PLCB1: variants seen among roughly 807,000 people sequenced by gnomAD.
The protein encoded by PLCB1 is phospholipase C beta 1, also known as 1-phosphatidylinositol 4,5-bisphosphate phosphodiesterase beta-1.
In PLCB1, 46 loss-of-function variants were observed where a neutral mutation model predicts 161.8. The observed-to-expected ratio is 0.28, with a 90% confidence interval of 0.22 to 0.36. The LOEUF is 0.36. Ranked by LOEUF, PLCB1 falls within the 10% of genes least tolerant of loss-of-function variation. PLCB1 has a pLI of 1.00. For synonymous variants in PLCB1, 517 were observed against 503.7 expected (o/e 1.03, Z -0.35); for missense variants, 1,016 against 1,472.5 (o/e 0.69, Z 5.07).
intron 3 of PLCB1, among the ~76,000 whole-genome samples, chr20:8,486,669 G>C (rs866141270): frequency 1.7e-4 from 26 of 150,372 alleles, no homozygotes; most frequent in Middle Eastern, 3.4e-3. Context: ...CTAATTTTTT[G>C]TATTTTTAGT....
chr20:8,315,752 A>C (rs1984616717), intron 2 of PLCB1, among the ~76,000 whole-genome samples: 1 of 152,166 alleles, frequency 6.6e-6, no homozygotes, highest in Non-Finnish European at 1.5e-5. Flanking sequence ...ACAGCCAGCC[A>C]AGCCAAAATG....
chr20:8,241,415 G>T (rs995040), intron 2 of PLCB1, among the ~76,000 whole-genome samples: 136,191 of 151,858 alleles, frequency 0.9, 61,148 homozygotes, highest in South Asian at 0.94. Flanking sequence ...GCACTTGAAC[G>T]CTCTCGTGTT....
intron 2 of PLCB1, among the ~76,000 whole-genome samples, chr20:8,168,409 T>A (rs1472014784): frequency 1.3e-5 from 2 of 152,160 alleles, no homozygotes; most frequent in Non-Finnish European, 2.9e-5. Flanking sequence ...GACAATTGTG[T>A]TAATTATATA....
chr20:8,311,686 A>C (rs1984411403), intron 2 of PLCB1, among the ~76,000 whole-genome samples: 1 of 152,070 alleles, frequency 6.6e-6, no homozygotes, highest in African/African-American at 2.4e-5. Context: ...TGCTATCATA[A>C]CTCCGGAGTG....
At chr20:8,191,584 T>A (rs1025568616) in intron 2 of PLCB1, among the ~76,000 whole-genome samples, 2 of 152,034 alleles carry the variant, frequency 1.3e-5, no homozygotes, top group Admixed American at 1.3e-4. Context: ...TTGTGGTGTA[T>A]GATTTTAATA....
At chr20:8,384,440 C>T (rs1299580334) in intron 3 of PLCB1, among the ~76,000 whole-genome samples, 1 of 152,002 alleles carries the variant, frequency 6.6e-6, no homozygotes, top group African/African-American at 2.4e-5. Flanking sequence ...TATCAAGGTT[C>T]TTAGCTTCTT....
chr20:8,265,740 C>T (rs1187361209), intron 2 of PLCB1, among the ~76,000 whole-genome samples: 1 of 152,156 alleles, frequency 6.6e-6, no homozygotes, highest in Non-Finnish European at 1.5e-5. Flanking sequence ...TTAACAAAAT[C>T]ATAGTCTTTT....
At chr20:8,557,776 A>G (rs1362284564) in intron 3 of PLCB1, among the ~76,000 whole-genome samples, 1 of 151,986 alleles carries the variant, frequency 6.6e-6, no homozygotes, top group Non-Finnish European at 1.5e-5. Context: ...TCCAACCCAC[A>G]GCAAGCAGCA....
chr20:8,826,235 T>A (rs1985690458), intron 31 of PLCB1, among the ~76,000 whole-genome samples: 1 of 151,996 alleles, frequency 6.6e-6, no homozygotes, highest in South Asian at 2.1e-4. Flanking sequence ...GCAGCTCACA[T>A]CTGTAATCCC....
intron 18 of PLCB1, among the ~76,000 whole-genome samples, chr20:8,731,146 C>A: frequency 6.6e-6 from 1 of 151,612 alleles, no homozygotes; most frequent in South Asian, 2.1e-4. Context: ...AAGCTCTAAG[C>A]CACGATTAAG....
At chr20:8,739,034 C>T (rs1053426286) in intron 20 of PLCB1, among the ~76,000 whole-genome samples, 1 of 152,118 alleles carries the variant, frequency 6.6e-6, no homozygotes, top group Non-Finnish European at 1.5e-5. Context: ...CACCTGTAGT[C>T]CCAGCTACTT....
intron 27 of PLCB1, among the ~76,000 whole-genome samples, chr20:8,781,935 A>C (rs1600322995): frequency 6.6e-6 from 1 of 152,148 alleles, no homozygotes. Context: ...TGGGAGCTAC[A>C]CGATGAGATT....
rs533718070 is a variant in PLCB1 at position 8,231,288 on chromosome 20, T to C, written c.177+80917T>C. 2.0e-5 allele frequency among the ~76,000 whole-genome samples: 3 copies of C among 152,304 alleles called. No individual in the cohort carries two copies. In the East Asian group the frequency reaches 5.8e-4, roughly 29 times the overall value. Reference sequence around the variant, plus strand: ...ATAAGATAACTCTTTCTTGGGAAAGTAGACAGCTGTCTTGTGAGCTGTAAA... The same window carrying C: ...ATAAGATAACTCTTTCTTGGGAAAGCAGACAGCTGTCTTGTGAGCTGTAAA... On this transcript the variant is annotated intron_variant, in intron 2 of 31. Transcript: ENST00000338037.
chr20:8,460,987 G>A (rs1177281572), intron 3 of PLCB1, among the ~76,000 whole-genome samples: 2 of 152,110 alleles, frequency 1.3e-5, no homozygotes, highest in African/African-American at 2.4e-5. Context: ...CCAAATGAGT[G>A]GCCACTTGCC....
At chr20:8,821,374 A>G (rs1322672049) in intron 31 of PLCB1, among the ~76,000 whole-genome samples, 3 of 148,804 alleles carry the variant, frequency 2.0e-5, no homozygotes, top group Non-Finnish European at 4.5e-5. Flanking sequence ...GCTACTCAGG[A>G]GGCTGAGGCA....
chr20:8,359,364 A>G (rs1479182277), intron 2 of PLCB1, among the ~76,000 whole-genome samples: 1 of 152,038 alleles, frequency 6.6e-6, no homozygotes, highest in Non-Finnish European at 1.5e-5. Flanking sequence ...TTTTTTTATT[A>G]TTTTAATGAA....
Position 8,708,651 on chromosome 20 carries a change from C to T in PLCB1, c.1168-19C>T, listed in dbSNP as rs1395437048. 3.3e-6 allele frequency: 5 copies of T among 1,521,152 alleles called. No individual in the cohort carries two copies. The highest frequency in any genetic ancestry group is 4.6e-6 in the Non-Finnish European group (5 of 1,095,890). 94.2% of individuals were successfully genotyped at this position (1,521,152 alleles called of 1,614,324 possible). On this transcript the variant is annotated intron_variant, in intron 11 of 31. Coordinates refer to ENST00000338037, the MANE Select transcript of PLCB1 (RefSeq NM_015192.4). ...GAAAAATTCTGGCATACTGAATATA[C>T]ATGTGTTCTCATTTTTAGGAAGTGA...
chr20:8,418,474 A>G (rs1366182261), intron 3 of PLCB1, among the ~76,000 whole-genome samples: 1 of 152,110 alleles, frequency 6.6e-6, no homozygotes, highest in African/African-American at 2.4e-5. Context: ...ATTATACATA[A>G]ATTTTTATTT....
intron 24 of PLCB1, among the ~76,000 whole-genome samples, chr20:8,759,938 A>G (rs765479388): frequency 2.4e-4 from 28 of 118,364 alleles, no homozygotes; most frequent in Admixed American, 1.2e-3. Context: ...CTTTCACTCA[A>G]TCTGTCACAT....
Sources: gnomAD v4.1 joint callset for allele counts (sites outside exome capture counted in the v4.1 genomes callset) on GRCh38, gnomAD v4.1.1 for gene constraint, MANE v1.5 for transcripts, NCBI Gene and HGNC (gene_info 2026-07-23, HGNC 2026-07-21) for gene names.